WIPF3: variants seen among roughly 807,000 people sequenced by gnomAD.
WIPF3 encodes the protein WAS/WASL-interacting protein family member 3.
Under a neutral mutation model 38.9 loss-of-function variants are expected in WIPF3, and 33 were observed. That is an observed-to-expected ratio of 0.85 (90% CI 0.64 to 1.14). The LOEUF (loss-of-function observed/expected upper bound fraction) is 1.14, where lower values mean the gene tolerates loss of function less well. Ranked by LOEUF, WIPF3 falls within the 50% of genes most tolerant of loss-of-function variation. The pLI, the probability that WIPF3 is intolerant of heterozygous loss-of-function variation, is 0.00. For synonymous variants in WIPF3, 324 were observed against 269.3 expected (o/e 1.20, Z -1.99); for missense variants, 711 against 652.5 (o/e 1.09, Z -0.98).
intron 1 of WIPF3, among the ~76,000 whole-genome samples, chr7:29,818,422 C>T (rs1201042818): frequency 1.3e-5 from 2 of 151,268 alleles, no homozygotes; most frequent in Non-Finnish European, 2.9e-5. Context: ...CGCTGCACTC[C>T]AACCTGGGAG....
At chr7:29,873,865 C>G (rs1000979381) in intron 2 of WIPF3, among the ~76,000 whole-genome samples, 2 of 152,178 alleles carry the variant, frequency 1.3e-5, no homozygotes, top group Non-Finnish European at 2.9e-5. Context: ...TAGCCAAAAC[C>G]GCAACTGCCT....
At chr7:29,907,592 C>T (rs905326842) in intron 8 of WIPF3, among the ~76,000 whole-genome samples, 9 of 152,198 alleles carry the variant, frequency 5.9e-5, no homozygotes, top group African/African-American at 2.2e-4. Context: ...GGGCAGAGCC[C>T]TCATGAATGA....
intron 1 of WIPF3, among the ~76,000 whole-genome samples, chr7:29,818,400 T>C (rs62459993): frequency 0.11 from 17,420 of 151,608 alleles, 1,102 homozygotes; most frequent in African/African-American, 0.16. Context: ...TTGCAATGAG[T>C]TGAGATCACA....
intron 2 of WIPF3, among the ~76,000 whole-genome samples, chr7:29,867,676 A>G (rs1462950946): frequency 6.6e-6 from 1 of 151,664 alleles, no homozygotes; most frequent in African/African-American, 2.4e-5. Flanking sequence ...AAAGCCTGAG[A>G]ATATTGGCAT....
At chr7:29,871,156 A>G (rs895462683) in intron 2 of WIPF3, among the ~76,000 whole-genome samples, 7 of 152,176 alleles carry the variant, frequency 4.6e-5, no homozygotes, top group Non-Finnish European at 1.0e-4. Context: ...GACAGGAGAA[A>G]GTTAGTTTTT....
In WIPF3 at chr7:29,829,064, A is replaced by G. The variant is rs556031402; in HGVS notation, c.-57-5604A>G. ...TTGCTGCTCCTGCTTACTAGAACAG[A>G]CTCCTTTAGTCACCTCTCTGCCTGG... On this transcript the variant is annotated intron_variant, in intron 1 of 8. Transcript: ENST00000242140. 3.3e-5 allele frequency among the ~76,000 whole-genome samples: 5 copies of G among 151,158 alleles called. No homozygotes were observed. In the South Asian group the frequency reaches 8.4e-4, roughly 25 times the overall value.
intron 2 of WIPF3, among the ~76,000 whole-genome samples, chr7:29,874,299 G>T (rs1391949010): frequency 2.6e-5 from 4 of 151,990 alleles, no homozygotes. Flanking sequence ...ACTCTTCGGG[G>T]ATATTTTTGT....
In WIPF3 at chr7:29,892,665, C is replaced by T. The variant is rs996308040; in HGVS notation, c.1351+3258C>T. ...GCCAGAGCCAGGAATTTTGAACCCA[C>T]ACCTGTCTGAACCCAGGGCCAGTTC... On this transcript the variant is annotated intron_variant, in intron 7 of 8. Transcript: ENST00000242140. 6.6e-5 allele frequency among the ~76,000 whole-genome samples: 10 copies of T among 152,374 alleles called. No homozygotes were observed. In the East Asian group the frequency reaches 1.9e-3, roughly 29 times the overall value.
At chr7:29,889,212 A>T in intron 6 of WIPF3, 94 bp from the exon 7 acceptor site, 1 of 986,480 alleles carries the variant, frequency 1.0e-6, no homozygotes, top group East Asian at 2.6e-5. Context: ...AAAACGGTGG[A>T]TGCAGTCAGA....
At chr7:29,913,345 CA>C (rs1161222562) in intron 8 of WIPF3, among the ~76,000 whole-genome samples, 4,085 of 74,606 alleles carry the variant, frequency 0.055, 56 homozygotes, top group South Asian at 0.11. Context: ...AACTCCGTCT[CA>C]AAAAAAAAAA....
intron 4 of WIPF3, among the ~76,000 whole-genome samples, chr7:29,879,476 G>A (rs1192245849): frequency 2.6e-5 from 4 of 152,222 alleles, no homozygotes; most frequent in Non-Finnish European, 5.9e-5. Flanking sequence ...GAACTTCATA[G>A]TGACATCACT....
chr7:29,822,123 G>GGTT (rs566725763), intron 1 of WIPF3, among the ~76,000 whole-genome samples: 18 of 62,876 alleles, frequency 2.9e-4, no homozygotes, highest in Middle Eastern at 0.013. Context: ...TTTTTTCTTA[G>GGTT]TTTTTTTTTT....
At chr7:29,867,704 T>G (rs1330910745) in intron 2 of WIPF3, among the ~76,000 whole-genome samples, 1 of 151,736 alleles carries the variant, frequency 6.6e-6, no homozygotes. Flanking sequence ...AAGGAGAGAA[T>G]GGTGCGGAAT....
In WIPF3 at chr7:29,861,572, A is replaced by T. The variant is rs556933428; in HGVS notation, c.91-14258A>T. 3.3e-4 allele frequency among the ~76,000 whole-genome samples: 50 copies of T among 152,214 alleles called. 1 individual carries two copies. The highest frequency in any genetic ancestry group is 1.1e-3 in the African/African-American group (46 of 41,520). On this transcript the variant is annotated intron_variant, in intron 2 of 8. Transcript: ENST00000242140. ...TCTATTTGCCATTTATTTATTTATT[A>T]ATATATTGCTTGTTTATTGTTTCTT...
At chr7:29,818,382 G>A (rs533833069) in intron 1 of WIPF3, among the ~76,000 whole-genome samples, 3 of 151,882 alleles carry the variant, frequency 2.0e-5, no homozygotes, top group Non-Finnish European at 4.4e-5. Flanking sequence ...GAACCTGGGA[G>A]ATGGAGGTTG....
chr7:29,898,446 C>T (rs1230883433), intron 7 of WIPF3, among the ~76,000 whole-genome samples: 1 of 152,186 alleles, frequency 6.6e-6, no homozygotes, highest in Non-Finnish European at 1.5e-5. Flanking sequence ...TAACAGGATC[C>T]ACTGCTTCAC....
chr7:29,880,555 T>C (rs1364426253), intron 4 of WIPF3, among the ~76,000 whole-genome samples: 1 of 152,204 alleles, frequency 6.6e-6, no homozygotes, highest in Non-Finnish European at 1.5e-5. Flanking sequence ...TCCTTTGGAA[T>C]AGAAGGCTTC....
chr7:29,888,020 C>T, intron 5 of WIPF3, 48 bp from the exon 6 acceptor site: 2 of 1,610,798 alleles, frequency 1.2e-6, no homozygotes, highest in East Asian at 2.2e-5. Context: ...TTATAGCATC[C>T]ACCATTCCCA....
chr7:29,829,042 C>T (rs1452571561), intron 1 of WIPF3, among the ~76,000 whole-genome samples: 1 of 152,124 alleles, frequency 6.6e-6, no homozygotes, highest in Non-Finnish European at 1.5e-5. Flanking sequence ...TGATTATTTG[C>T]TGCTCCTGCT....
Sources: allele counts gnomAD v4.1 joint callset (sites outside exome capture counted in the v4.1 genomes callset), GRCh38; gene constraint gnomAD v4.1.1; transcripts MANE v1.5; gene names NCBI Gene and HGNC (gene_info 2026-07-23, HGNC 2026-07-21).